SPPL3: variants seen among roughly 807,000 people sequenced by gnomAD.
SPPL3 encodes signal peptide peptidase-like 3.
In SPPL3, 5 loss-of-function variants were observed where a neutral mutation model predicts 42.4. The ratio of observed to expected loss-of-function variants is 0.12; its 90% CI spans 0.06 to 0.25. The LOEUF is 0.25. Among genes scored for constraint, SPPL3 ranks in the 10% least tolerant of loss-of-function variants. The pLI, the probability that SPPL3 is intolerant of heterozygous loss-of-function variation, is 1.00. For missense variants in SPPL3, 235 were observed against 489.0 expected (o/e 0.48, Z 4.90); for synonymous variants, 195 against 181.8 (o/e 1.07, Z -0.58).
intron 9 of SPPL3, among the ~76,000 whole-genome samples, chr12:120,767,169 T>C (rs905428249): frequency 6.6e-6 from 1 of 152,248 alleles, no homozygotes. Context: ...CTTTGAGGAC[T>C]GACCTGCTTT....
intron 1 of SPPL3, among the ~76,000 whole-genome samples, chr12:120,855,099 G>T (rs78206307): frequency 6.6e-6 from 1 of 151,974 alleles, no homozygotes; most frequent in East Asian, 1.9e-4. Context: ...TCCAGCCACC[G>T]TTTCTTCTCC....
At chr12:120,847,269 A>G (rs1479908128) in intron 1 of SPPL3, among the ~76,000 whole-genome samples, 2 of 152,216 alleles carry the variant, frequency 1.3e-5, no homozygotes, top group South Asian at 4.1e-4. Context: ...AGGTGGAAAC[A>G]TGAATTCAGT....
At chr12:120,791,363 A>T in intron 3 of SPPL3, 106 bp downstream of exon 3, 1 of 692,882 alleles carries the variant, frequency 1.4e-6, no homozygotes, top group Non-Finnish European at 2.3e-6. Flanking sequence ...GTTTTTTTAT[A>T]CCAATCATAA....
intron 2 of SPPL3, among the ~76,000 whole-genome samples, chr12:120,798,357 A>C (rs550349): frequency 0.8 from 121,855 of 152,176 alleles, 49,450 homozygotes; most frequent in African/African-American, 0.92. Context: ...CCTCAGTCAC[A>C]CTTAGAGGAA....
At chr12:120,864,063 C>A (rs780391105) in intron 1 of SPPL3, among the ~76,000 whole-genome samples, 1 of 152,122 alleles carries the variant, frequency 6.6e-6, no homozygotes, top group African/African-American at 2.4e-5. Context: ...CATTAAAATC[C>A]ATGTCTGCCT....
At chr12:120,768,894 C>A (rs1221659844) in intron 7 of SPPL3, 59 bp downstream of exon 7, 9 of 1,431,530 alleles carry the variant, frequency 6.3e-6, no homozygotes, top group Non-Finnish European at 8.7e-6. Flanking sequence ...AGTTTTCAGG[C>A]ATGAATGCTT....
At chr12:120,787,503 C>G (rs1057217482) in intron 3 of SPPL3, among the ~76,000 whole-genome samples, 13 of 152,056 alleles carry the variant, frequency 8.5e-5, no homozygotes, top group African/African-American at 2.9e-4. Flanking sequence ...GGAACTCTTG[C>G]CCTCCACCCT....
At chr12:120,796,354 C>T (rs576860036) in intron 2 of SPPL3, among the ~76,000 whole-genome samples, 4 of 152,036 alleles carry the variant, frequency 2.6e-5, no homozygotes, top group Admixed American at 2.0e-4. Context: ...CCAGCCTGGA[C>T]GACAGAGCAA....
chr12:120,873,656 T>C (rs1018401692), intron 1 of SPPL3, among the ~76,000 whole-genome samples: 1 of 152,050 alleles, frequency 6.6e-6, no homozygotes, highest in Non-Finnish European at 1.5e-5. Context: ...GGGTGGATCA[T>C]GAGGTCAGGA....
intron 1 of SPPL3, among the ~76,000 whole-genome samples, chr12:120,850,185 G>A (rs980802467): frequency 2.0e-5 from 3 of 152,088 alleles, no homozygotes; most frequent in Non-Finnish European, 2.9e-5. Context: ...GGCTGCCAAG[G>A]GAACTCAGTT....
chr12:120,799,592 C>T (rs1202928606), intron 2 of SPPL3, among the ~76,000 whole-genome samples: 1 of 152,106 alleles, frequency 6.6e-6, no homozygotes, highest in East Asian at 1.9e-4. Flanking sequence ...GGGTGGAGGA[C>T]TGGTAAGGAG....
chr12:120,794,582 G>C (rs1357050494), intron 2 of SPPL3, among the ~76,000 whole-genome samples: 1 of 152,046 alleles, frequency 6.6e-6, no homozygotes, highest in African/African-American at 2.4e-5. Flanking sequence ...ATTTTTAGTA[G>C]AGACGGGGTT....
chr12:120,780,595 A>T (rs1869494628), intron 6 of SPPL3, among the ~76,000 whole-genome samples: 1 of 151,484 alleles, frequency 6.6e-6, no homozygotes. Context: ...TTTAAAAAAA[A>T]AAAAAAAAAA....
chr12:120,826,310 AAG>A (rs1186797696), intron 1 of SPPL3, among the ~76,000 whole-genome samples: 218 of 137,244 alleles, frequency 1.6e-3, no homozygotes, highest in African/African-American at 5.4e-3. Flanking sequence ...AAAAAAAAAA[AAG>A]AAAGCAGGGC....
At chr12:120,849,906 ATTGACAGGATG>A (rs1241283715) in intron 1 of SPPL3, among the ~76,000 whole-genome samples, 1 of 152,120 alleles carries the variant, frequency 6.6e-6, no homozygotes, top group Non-Finnish European at 1.5e-5. Context: ...AAAATCTGGG[ATTGACAGGATG>A]TTGACAAGGA....
At chr12:120,866,837 T>G (rs1389249563) in intron 1 of SPPL3, among the ~76,000 whole-genome samples, 2 of 152,374 alleles carry the variant, frequency 1.3e-5, no homozygotes, top group African/African-American at 4.8e-5. Context: ...TCTTTGGGAC[T>G]GACAGCATAA....
chr12:120,773,623 C>T (rs1327272314), intron 6 of SPPL3, among the ~76,000 whole-genome samples: 1 of 152,184 alleles, frequency 6.6e-6, no homozygotes, highest in Non-Finnish European at 1.5e-5. Context: ...CGACCTGTCC[C>T]TTCCTGACCT....
At chr12:120,893,728 G>A (rs954047239) in intron 1 of SPPL3, among the ~76,000 whole-genome samples, 4 of 151,784 alleles carry the variant, frequency 2.6e-5, no homozygotes, top group Non-Finnish European at 4.4e-5. Flanking sequence ...CCTTTTCATC[G>A]CCACTGCACT....
chr12:120,867,553 T>G (rs1872791429), intron 1 of SPPL3, among the ~76,000 whole-genome samples: 1 of 151,758 alleles, frequency 6.6e-6, no homozygotes, highest in African/African-American at 2.4e-5. Context: ...TAGTCCCAGC[T>G]ACTTGAGAGG....
Sources: allele counts gnomAD v4.1 joint callset (sites outside exome capture counted in the v4.1 genomes callset), GRCh38; gene constraint gnomAD v4.1.1; transcripts MANE v1.5; gene names NCBI Gene and HGNC (gene_info 2026-07-23, HGNC 2026-07-21).